SND1: variants seen among roughly 807,000 people sequenced by gnomAD.
The protein encoded by SND1 is staphylococcal nuclease and tudor domain containing 1, also known as staphylococcal nuclease domain-containing protein 1.
SND1 carries 38 observed loss-of-function variants against 121.7 expected under a neutral mutation model. The ratio of observed to expected loss-of-function variants is 0.31; its 90% confidence interval spans 0.24 to 0.41. The LOEUF (loss-of-function observed/expected upper bound fraction) is 0.41, where lower values mean the gene tolerates loss of function less well. Among genes scored for constraint, SND1 ranks in the 10% least tolerant of loss-of-function variants. The pLI, the probability that SND1 is intolerant of heterozygous loss-of-function variation, is 1.00. For synonymous variants in SND1, 401 were observed against 447.4 expected (o/e 0.90, Z 1.31); for missense variants, 868 against 1,184.6 (o/e 0.73, Z 3.92).
intron 10 of SND1, among the ~76,000 whole-genome samples, chr7:127,788,323 A>G (rs1797849210): frequency 6.6e-6 from 1 of 152,208 alleles, no homozygotes; most frequent in Non-Finnish European, 1.5e-5. Context: ...TCCCTGTTGG[A>G]GACAAATACA....
intron 10 of SND1, among the ~76,000 whole-genome samples, chr7:127,797,065 G>T (rs1387322204): frequency 6.6e-6 from 1 of 151,844 alleles, no homozygotes; most frequent in East Asian, 1.9e-4. Context: ...GCTAATTTTT[G>T]TATTTTTAGT....
At chr7:127,784,150 C>G (rs1042574920) in intron 10 of SND1, among the ~76,000 whole-genome samples, 2 of 152,204 alleles carry the variant, frequency 1.3e-5, no homozygotes, top group African/African-American at 4.8e-5. Flanking sequence ...ACCATTGAAG[C>G]CTTTACCTCT....
intron 1 of SND1, among the ~76,000 whole-genome samples, chr7:127,675,210 A>C (rs1795594960): frequency 6.6e-6 from 1 of 152,194 alleles, no homozygotes; most frequent in Admixed American, 6.5e-5. Flanking sequence ...CAAAAAAACA[A>C]AAAAACCCTT....
At chr7:127,729,740 T>C (rs960379746) in intron 10 of SND1, among the ~76,000 whole-genome samples, 2 of 152,218 alleles carry the variant, frequency 1.3e-5, no homozygotes, top group Admixed American at 6.5e-5. Flanking sequence ...AGGTAGACTT[T>C]AGACTGGATG....
chr7:128,058,654 G>A (rs533162410), intron 16 of SND1, among the ~76,000 whole-genome samples: 8 of 152,334 alleles, frequency 5.3e-5, no homozygotes, highest in Admixed American at 4.6e-4. Flanking sequence ...TAAAGGCTGG[G>A]CCTTCAGCCT....
At chr7:127,997,914 C>G (rs1347405127) in intron 16 of SND1, 1 of 534,790 alleles carries the variant, frequency 1.9e-6, no homozygotes, top group Admixed American at 1.9e-5. Flanking sequence ...CCTTGCTCTC[C>G]CAGGCTAGAT....
chr7:127,714,749 G>T (rs1796357560), intron 9 of SND1, among the ~76,000 whole-genome samples: 1 of 152,182 alleles, frequency 6.6e-6, no homozygotes, highest in Non-Finnish European at 1.5e-5. Context: ...CAGACAGTCT[G>T]TGTCTTTGTG....
At chr7:127,736,806 G>A (rs1228360139) in intron 10 of SND1, among the ~76,000 whole-genome samples, 1 of 152,202 alleles carries the variant, frequency 6.6e-6, no homozygotes, top group Non-Finnish European at 1.5e-5. Context: ...GGGTAGAGTG[G>A]ATAGGTACAT....
At chr7:128,003,379 T>G (rs1369478599) in intron 16 of SND1, among the ~76,000 whole-genome samples, 1 of 152,174 alleles carries the variant, frequency 6.6e-6, no homozygotes, top group Non-Finnish European at 1.5e-5. Flanking sequence ...ACTGTGCTGT[T>G]TTCCTTTTCA....
intron 16 of SND1, among the ~76,000 whole-genome samples, chr7:128,014,209 G>A (rs1007234314): frequency 6.6e-6 from 1 of 152,208 alleles, no homozygotes; most frequent in African/African-American, 2.4e-5. Flanking sequence ...TCTGGAGTCA[G>A]TGGCAGTACT....
chr7:127,885,712 A>G (rs1799892635), intron 12 of SND1, among the ~76,000 whole-genome samples: 1 of 152,024 alleles, frequency 6.6e-6, no homozygotes, highest in African/African-American at 2.4e-5. Flanking sequence ...GTTTTTCTTT[A>G]TATATCAAAG....
At chr7:127,781,767 C>A (rs1797727952) in intron 10 of SND1, among the ~76,000 whole-genome samples, 2 of 152,090 alleles carry the variant, frequency 1.3e-5, no homozygotes. Context: ...TAAAAGCAAT[C>A]ATAATGAAAT....
intron 12 of SND1, among the ~76,000 whole-genome samples, chr7:127,857,183 CTTTTT>C (rs71522259): frequency 5.9e-5 from 4 of 67,942 alleles, no homozygotes; most frequent in East Asian, 2.8e-4. Flanking sequence ...AATGTCAACA[CTTTTT>C]TTTTTTTTTT....
At chr7:128,027,783 C>G (rs551448221) in intron 16 of SND1, 1 of 152,328 alleles carries the variant, frequency 6.6e-6, no homozygotes, top group East Asian at 1.9e-4. Flanking sequence ...TGAATACATT[C>G]TCTCTGCTTT....
At chr7:127,775,681 A>T (rs1161437093) in intron 10 of SND1, among the ~76,000 whole-genome samples, 3 of 151,888 alleles carry the variant, frequency 2.0e-5, no homozygotes, top group African/African-American at 7.3e-5. Context: ...TTTTCCAAAC[A>T]TCTTGTTCTA....
At chr7:127,950,270 C>A (rs559032377) in intron 15 of SND1, among the ~76,000 whole-genome samples, 8 of 152,004 alleles carry the variant, frequency 5.3e-5, no homozygotes, top group Admixed American at 5.2e-4. Flanking sequence ...ATACACAATG[C>A]GTTAATGGCT....
intron 13 of SND1, among the ~76,000 whole-genome samples, chr7:127,894,338 G>A (rs1237520604): frequency 6.6e-6 from 1 of 150,578 alleles, no homozygotes. Flanking sequence ...TTATAGGGAA[G>A]TTTTTCCATA....
In SND1 at chr7:128,022,892, C is replaced by T. The variant is rs1803390804; in HGVS notation, c.1779+31836C>T. 1.3e-5 allele frequency among the ~76,000 whole-genome samples: 2 copies of T among 152,190 alleles called. 1 individual carries two copies. The highest frequency in any genetic ancestry group is 4.1e-4 in the South Asian group (2 of 4,832). On this transcript the variant is annotated intron_variant, in intron 16 of 23. Coordinates refer to ENST00000354725, the MANE Select transcript of SND1 (RefSeq NM_014390.4). The stretch of plus-strand genomic sequence containing the variant: ...GGTGGTTTGGCCCAAGTACTGACAG[C>T]AAAGCTGGCGTGTACCAGAGGATAA...
chr7:127,705,742 A>G (rs918601304), intron 8 of SND1, among the ~76,000 whole-genome samples: 2 of 152,238 alleles, frequency 1.3e-5, no homozygotes, highest in African/African-American at 2.4e-5. Flanking sequence ...ACCACCTTGC[A>G]TGACACATTT....
Sources: allele counts gnomAD v4.1 joint callset (sites outside exome capture counted in the v4.1 genomes callset), GRCh38; gene constraint gnomAD v4.1.1; transcripts MANE v1.5; gene names NCBI Gene and HGNC (gene_info 2026-07-23, HGNC 2026-07-21).